Variants in PARD3B observed in about 807,000 individuals in gnomAD.
The protein encoded by PARD3B is partitioning defective 3 homolog B.
In PARD3B, 103 loss-of-function variants were observed where a neutral mutation model predicts 130.2. The ratio of observed to expected loss-of-function variants is 0.79; its 90% CI spans 0.67 to 0.93. The LOEUF (loss-of-function observed/expected upper bound fraction) is 0.93, where lower values mean the gene tolerates loss of function less well. Ranked by LOEUF, PARD3B falls within the 40% of genes least tolerant of loss-of-function variation. The probability of loss-of-function intolerance (pLI) is 0.00; values close to 1 mark genes in which losing one functional copy is unlikely to be tolerated. For missense variants in PARD3B, 1,609 were observed against 1,499.2 expected, an observed-to-expected ratio of 1.07 and a Z score of -1.21; for synonymous variants, 583 against 553.2, an observed-to-expected ratio of 1.05 and a Z score of -0.76.
chr2:204,988,997 G>C (rs1288058998), intron 3 of PARD3B, among the ~76,000 whole-genome samples: 1 of 152,178 alleles, frequency 6.6e-6, no homozygotes, highest in Non-Finnish European at 1.5e-5. Flanking sequence ...CTAGGCACTG[G>C]GTGGTAAACC....
chr2:205,323,830 AG>A (rs1402423980), intron 18 of PARD3B, among the ~76,000 whole-genome samples: 3 of 152,200 alleles, frequency 2.0e-5, no homozygotes, highest in Non-Finnish European at 4.4e-5. Flanking sequence ...CTACTGCAGA[AG>A]GGTGTTTATT....
chr2:204,684,986 T>A (rs2037008681), intron 1 of PARD3B, among the ~76,000 whole-genome samples: 1 of 152,184 alleles, frequency 6.6e-6, no homozygotes, highest in Non-Finnish European at 1.5e-5. Flanking sequence ...TGGGTCACAT[T>A]TTAGTAGCTC....
intron 11 of PARD3B, among the ~76,000 whole-genome samples, chr2:205,168,786 T>C (rs2034982322): frequency 6.6e-6 from 1 of 152,080 alleles, no homozygotes; most frequent in South Asian, 2.1e-4. Context: ...TCTGGTAGCA[T>C]ATTGTCCTCT....
chr2:205,441,070 G>A (rs2047698903), intron 20 of PARD3B, among the ~76,000 whole-genome samples: 1 of 152,194 alleles, frequency 6.6e-6, no homozygotes, highest in Non-Finnish European at 1.5e-5. Flanking sequence ...TAGCTTCCAA[G>A]TAGGTGTAAT....
In PARD3B at chr2:205,269,943, AGG is replaced by A. The variant is rs2040655207; in HGVS notation, c.2185+24123_2185+24124del. On this transcript the variant is annotated intron_variant, in intron 16 of 22. Transcript: ENST00000406610. The surrounding 1 kb of genome is among the most constrained non-coding windows in gnomAD (Gnocchi z 4.7). ...CAGCAAATAATAACTGAAGATTTTA[AGG>A]GACAACTTCAGACAATAATACCTAA... Among the ~76,000 whole-genome samples, 1 of 152,186 alleles carries A rather than the reference AGG, an allele frequency of 6.6e-6. No homozygotes were observed. The highest frequency in any genetic ancestry group is 2.4e-5 in the African/African-American group (1 of 41,462).
chr2:205,114,678 A>G (rs1197617885), intron 6 of PARD3B, among the ~76,000 whole-genome samples: 1 of 151,954 alleles, frequency 6.6e-6, no homozygotes, highest in Non-Finnish European at 1.5e-5. Context: ...AAAAGAACAG[A>G]TTTAGTCATG....
intron 10 of PARD3B, among the ~76,000 whole-genome samples, chr2:205,127,262 G>A (rs895031764): frequency 2.9e-5 from 4 of 138,222 alleles, no homozygotes; most frequent in South Asian, 2.2e-4. Context: ...GCACGAGTGC[G>A]CTCCAGCCTG....
At position 205,117,916 on chromosome 2, in the gene PARD3B, T is replaced by TACACACACACACACACACAC. The variant is rs745919031; in HGVS notation, c.681-1003_681-984dup. 7.8e-4 allele frequency among the ~76,000 whole-genome samples: 16 copies of TACACACACACACACACACAC among 20,430 alleles called. 1 individual carries two copies. In the South Asian group the frequency reaches 0.026, roughly 33 times the overall value. The allele number at this position is 20,430 out of a possible 152,430, so 13.4% of individuals were successfully genotyped here. ...TAACAGAATTGTGTATGTATGTGTGTACACACACACACACACACACATACA... is the reference window on the plus strand; with the variant it reads ...TAACAGAATTGTGTATGTATGTGTGTACACACACACACACACACACACACACACACACACACACACATACA... On this transcript the variant is annotated intron_variant, in intron 6 of 22. Transcript: ENST00000406610.
intron 18 of PARD3B, among the ~76,000 whole-genome samples, chr2:205,307,975 C>G (rs546781861): frequency 6.6e-6 from 1 of 152,106 alleles, no homozygotes; most frequent in African/African-American, 2.4e-5. Flanking sequence ...CTTGCAAACT[C>G]CTTTTTACTA....
intron 18 of PARD3B, among the ~76,000 whole-genome samples, chr2:205,389,971 A>G (rs1187686710): frequency 4.6e-5 from 7 of 152,188 alleles, no homozygotes; most frequent in African/African-American, 1.7e-4. Context: ...TTGCTTTTAC[A>G]TTTATGGAAA....
intron 21 of PARD3B, among the ~76,000 whole-genome samples, chr2:205,506,960 T>C (rs2050389839): frequency 6.6e-6 from 1 of 152,190 alleles, no homozygotes; most frequent in Non-Finnish European, 1.5e-5. Flanking sequence ...AGTCTCTTTT[T>C]TCATCTGTCA....
intron 2 of PARD3B, among the ~76,000 whole-genome samples, chr2:204,865,191 A>C (rs1165466963): frequency 6.6e-6 from 1 of 152,194 alleles, no homozygotes; most frequent in Non-Finnish European, 1.5e-5. Flanking sequence ...AACTAGTACA[A>C]CCACTATGGA....
intron 22 of PARD3B, among the ~76,000 whole-genome samples, chr2:205,598,233 A>G (rs915142942): frequency 6.6e-6 from 1 of 152,130 alleles, no homozygotes; most frequent in Non-Finnish European, 1.5e-5. Context: ...CTTACACACA[A>G]CAACACCTAT....
At chr2:204,771,357 G>A (rs890954147) in intron 2 of PARD3B, among the ~76,000 whole-genome samples, 1 of 152,074 alleles carries the variant, frequency 6.6e-6, no homozygotes, top group Non-Finnish European at 1.5e-5. Flanking sequence ...CTCACAGATG[G>A]ATTTGCCAGC....
intron 1 of PARD3B, among the ~76,000 whole-genome samples, chr2:204,633,137 A>T (rs2034749288): frequency 6.6e-6 from 1 of 152,100 alleles, no homozygotes; most frequent in African/African-American, 2.4e-5. Flanking sequence ...TCTATTTTGA[A>T]TTTTTTTAGG....
At chr2:204,637,908 G>A (rs560505121) in intron 1 of PARD3B, among the ~76,000 whole-genome samples, 2 of 152,126 alleles carry the variant, frequency 1.3e-5, no homozygotes, top group East Asian at 3.9e-4. Context: ...AGAGGTGTGG[G>A]GCAGTGGAAG....
chr2:204,819,705 G>A (rs1336819476), intron 2 of PARD3B, among the ~76,000 whole-genome samples: 1 of 152,110 alleles, frequency 6.6e-6, no homozygotes, highest in Non-Finnish European at 1.5e-5. Context: ...AGTTCTCGAA[G>A]GAAATTAAAA....
chr2:205,050,361 CACTT>C (rs1699105899), intron 4 of PARD3B, among the ~76,000 whole-genome samples: 1 of 151,792 alleles, frequency 6.6e-6, no homozygotes, highest in African/African-American at 2.4e-5. Context: ...TTAATAAAGA[CACTT>C]AGGTGTGTTT....
intron 18 of PARD3B, among the ~76,000 whole-genome samples, chr2:205,319,806 A>G (rs533493399): frequency 2.0e-5 from 3 of 152,330 alleles, no homozygotes; most frequent in African/African-American, 2.4e-5. Flanking sequence ...AGCTGCTTCC[A>G]TAGGCTCATG....
Sources: gnomAD v4.1 joint callset for allele counts (sites outside exome capture counted in the v4.1 genomes callset) on GRCh38, gnomAD v4.1.1 for gene constraint, Gnocchi (gnomAD v3.1) non-coding constraint, MANE v1.5 for transcripts, NCBI Gene and HGNC (gene_info 2026-07-23, HGNC 2026-07-21) for gene names.